Variants in CNTN4 observed in about 807,000 individuals in gnomAD.
CNTN4 encodes contactin-4.
A neutral mutation model predicts 122.5 loss-of-function variants in CNTN4; 77 were observed. The ratio of observed to expected loss-of-function variants is 0.63; its 90% CI spans 0.52 to 0.76. The LOEUF (loss-of-function observed/expected upper bound fraction) is 0.76. CNTN4 is among the 30% of genes least tolerant of loss of function. CNTN4 has a pLI of 0.00. For synonymous variants in CNTN4, 512 were observed against 447.0 expected (o/e 1.15, Z -1.83); for missense variants, 1,256 against 1,259.1 (o/e 1.00, Z 0.04).
intron 2 of CNTN4, among the ~76,000 whole-genome samples, chr3:2,194,528 G>T (rs2149355999): frequency 6.6e-6 from 1 of 152,252 alleles, no homozygotes; most frequent in Admixed American, 6.5e-5. Flanking sequence ...GTTATTGGTT[G>T]AATTGTGTCC....
intron 3 of CNTN4, among the ~76,000 whole-genome samples, chr3:2,531,302 G>A (rs1454700338): frequency 6.6e-6 from 1 of 152,154 alleles, no homozygotes; most frequent in Non-Finnish European, 1.5e-5. Flanking sequence ...AAAGGAAGGA[G>A]CTTGGGCGGG....
intron 2 of CNTN4, among the ~76,000 whole-genome samples, chr3:2,102,658 A>G (rs35270597): frequency 0.023 from 3,557 of 152,292 alleles, 63 homozygotes; most frequent in Non-Finnish European, 0.036. Context: ...GCCATTGGAA[A>G]GAGGAAGACT....
intron 3 of CNTN4, among the ~76,000 whole-genome samples, chr3:2,522,474 C>G (rs1575840341): frequency 6.6e-6 from 1 of 152,022 alleles, no homozygotes; most frequent in African/African-American, 2.4e-5. Context: ...ATATTTTGAA[C>G]TTTGGATCAT....
At chr3:2,378,315 A>T (rs565584996) in intron 3 of CNTN4, among the ~76,000 whole-genome samples, 23 of 152,328 alleles carry the variant, frequency 1.5e-4, no homozygotes, top group African/African-American at 5.5e-4. Context: ...GGACATCACC[A>T]TTCCATTCCT....
At chr3:2,276,831 G>A (rs1234463014) in intron 2 of CNTN4, among the ~76,000 whole-genome samples, 3 of 151,986 alleles carry the variant, frequency 2.0e-5, no homozygotes, top group Non-Finnish European at 2.9e-5. Context: ...CAAGATAATC[G>A]CTTGAACCTG....
chr3:2,828,199 A>T (rs1414426625), intron 7 of CNTN4, among the ~76,000 whole-genome samples: 1 of 152,144 alleles, frequency 6.6e-6, no homozygotes, highest in Non-Finnish European at 1.5e-5. Context: ...AAAAACACAC[A>T]TAACAAATGA....
intron 2 of CNTN4, among the ~76,000 whole-genome samples, chr3:2,263,082 G>A (rs2040902644): frequency 6.6e-6 from 1 of 152,086 alleles, no homozygotes; most frequent in Non-Finnish European, 1.5e-5. Context: ...AAAAAAGGCT[G>A]GAAGATACGA....
At chr3:2,443,056 G>A (rs939703740) in intron 3 of CNTN4, among the ~76,000 whole-genome samples, 1 of 151,782 alleles carries the variant, frequency 6.6e-6, no homozygotes, top group African/African-American at 2.4e-5. Context: ...TTAATATCTG[G>A]GTTATGAAGT....
intron 2 of CNTN4, among the ~76,000 whole-genome samples, chr3:2,249,066 C>G (rs2040265861): frequency 1.3e-5 from 2 of 152,004 alleles, no homozygotes; most frequent in Non-Finnish European, 2.9e-5. Flanking sequence ...GACCTCATTA[C>G]TATACATTAC....
chr3:2,133,306 C>T (rs1465341932), intron 2 of CNTN4, among the ~76,000 whole-genome samples: 2 of 152,028 alleles, frequency 1.3e-5, no homozygotes, highest in East Asian at 3.9e-4. Context: ...GTCTCTTTTC[C>T]CAAGTAATTC....
At chr3:2,679,904 A>C (rs1270283245) in intron 4 of CNTN4, among the ~76,000 whole-genome samples, 1 of 152,128 alleles carries the variant, frequency 6.6e-6, no homozygotes, top group East Asian at 1.9e-4. Flanking sequence ...TGTCATTTCT[A>C]ATTTTGCTTA....
chr3:2,819,875 A>G (rs998366320), intron 7 of CNTN4, among the ~76,000 whole-genome samples: 1 of 152,168 alleles, frequency 6.6e-6, no homozygotes, highest in African/African-American at 2.4e-5. Context: ...AACGACTCAT[A>G]CTTCTTACAA....
chr3:3,021,817 C>T (rs373684498), intron 14 of CNTN4, among the ~76,000 whole-genome samples: 4 of 152,170 alleles, frequency 2.6e-5, no homozygotes, highest in African/African-American at 9.7e-5. Flanking sequence ...TGGCGGCTCA[C>T]GCCTGTAATC....
intron 6 of CNTN4, among the ~76,000 whole-genome samples, chr3:2,781,734 T>C (rs553314164): frequency 0.034 from 4,776 of 138,890 alleles, 115 homozygotes; most frequent in Middle Eastern, 0.075. Context: ...TTTTTTTTTT[T>C]TTTTTTTTGA....
chr3:2,981,562 GA>G (rs112212982), intron 13 of CNTN4, among the ~76,000 whole-genome samples: 79 of 141,790 alleles, frequency 5.6e-4, no homozygotes, highest in East Asian at 5.4e-3. Context: ...CTATATTCAT[GA>G]AAAAAAAAAA....
At chr3:2,955,133 G>A (rs1405159548) in intron 13 of CNTN4, among the ~76,000 whole-genome samples, 3 of 152,142 alleles carry the variant, frequency 2.0e-5, no homozygotes, top group African/African-American at 4.8e-5. Flanking sequence ...AAGTTAAATG[G>A]ACCACTAAAA....
intron 3 of CNTN4, among the ~76,000 whole-genome samples, chr3:2,490,230 G>A (rs933118126): frequency 1.3e-5 from 2 of 152,218 alleles, no homozygotes; most frequent in Non-Finnish European, 2.9e-5. Flanking sequence ...GCTCATCTGA[G>A]CATGGCTTTC....
chr3:2,758,281 G>C (rs1459589597), intron 6 of CNTN4, among the ~76,000 whole-genome samples: 1 of 152,042 alleles, frequency 6.6e-6, no homozygotes, highest in East Asian at 1.9e-4. Context: ...AAATATTTGT[G>C]GAATAAATGA....
chr3:2,493,121 C>T (rs2076362293), intron 3 of CNTN4, among the ~76,000 whole-genome samples: 1 of 152,034 alleles, frequency 6.6e-6, no homozygotes, highest in Non-Finnish European at 1.5e-5. Context: ...CATTTCCATC[C>T]TTCAACCCAA....
Sources: gnomAD v4.1 joint callset for allele counts (sites outside exome capture counted in the v4.1 genomes callset) on GRCh38, gnomAD v4.1.1 for gene constraint, MANE v1.5 for transcripts, NCBI Gene and HGNC (gene_info 2026-07-23, HGNC 2026-07-21) for gene names.